Variants in PRPF8 observed in about 807,000 individuals in gnomAD.
PRPF8 encodes pre-mRNA processing factor 8.
Under a neutral mutation model 285.9 loss-of-function variants are expected in PRPF8, and 64 were observed. That is an observed-to-expected ratio of 0.22 (90% CI 0.18 to 0.28). The LOEUF (loss-of-function observed/expected upper bound fraction) is 0.28, where lower values mean the gene tolerates loss of function less well. Among genes scored for constraint, PRPF8 ranks in the 10% least tolerant of loss-of-function variants. The pLI is 1.00. For synonymous variants in PRPF8, 1,325 were observed against 1,118.2 expected (o/e 1.18, Z -3.69); for missense variants, 1,426 against 3,026.7 (o/e 0.47, Z 12.41).
At chr17:1,677,244 C>G in intron 14 of PRPF8, 72 bp from the exon 15 acceptor site, 1 of 1,395,636 alleles carries the variant, frequency 7.2e-7, no homozygotes, top group Non-Finnish European at 1.0e-6. Context: ...TACCTTCATG[C>G]TCCTCACTCA....
In PRPF8 at chr17:1,684,530, C is replaced by T; in HGVS notation, c.42G>A (p.Val14=). 6.2e-7 allele frequency: 1 copy of T among 1,612,596 alleles called. No homozygotes were observed. Among genetic ancestry groups the T allele is most frequent in the Non-Finnish European group, 8.5e-7 (1 of 1,179,854 alleles). The change falls in exon 2 of 43, where the codon GTG becomes GTA. Residue 14 remains valine (V), a synonymous_variant. Transcript: ENST00000304992. ...CCGGTAGCGGGGCTAGAGGGCCAGGCACCGGGTTACCCGGCCCTCGATAAG... is the reference window on the plus strand; with the variant it reads ...CCGGTAGCGGGGCTAGAGGGCCAGGTACCGGGTTACCCGGCCCTCGATAAG... ...VFPYRGPGNP[V]PGPLAPLPDY...
rs758889910 is a variant in PRPF8, at chr17:1,650,730, G to T, written c.*72C>A. ...ACAGAGGGAAAGAGGCCAAACTGCT[G>T]AATGTCAGCGGCCTGTCTGGAGGGG... is the stretch of plus-strand genomic sequence containing the variant. On this transcript the variant is annotated 3_prime_UTR_variant, in exon 43 of 43. Transcript: ENST00000304992. The T allele has an allele frequency of 1.7e-5, 27 of 1,578,432 alleles. No homozygotes were observed. Among genetic ancestry groups the T allele is most frequent in the Non-Finnish European group, 2.3e-5 (27 of 1,149,544 alleles).
rs2151131100 is a variant in PRPF8, at chr17:1,680,846, A to G, written c.993-15T>C. 6.2e-7 allele frequency: 1 copy of G among 1,614,034 alleles called. No homozygotes were observed. Among genetic ancestry groups the G allele is most frequent in the Non-Finnish European group, 8.5e-7 (1 of 1,179,884 alleles). On this transcript the variant is annotated splice_polypyrimidine_tract_variant and intron_variant, in intron 7 of 42. Coordinates refer to ENST00000304992, the MANE Select transcript of PRPF8 (RefSeq NM_006445.4). The stretch of plus-strand genomic sequence containing the variant: ...GAGTATGGTACCTAAAATGAAAGGA[A>G]GAGTCAGCCAAAGTTTTCCCGCCCT...
rs1200470329 is a variant in PRPF8 at position 1,653,178 on chromosome 17, G to T, written c.6369+364C>A. On this transcript the variant is annotated intron_variant, in intron 39 of 42. Coordinates refer to ENST00000304992, the MANE Select transcript of PRPF8 (RefSeq NM_006445.4). The surrounding 1 kb of genome is among the most constrained non-coding windows in gnomAD (Gnocchi z 4.9). ...TGGTCTCAAACCCCTGACCTCAGGT[G>T]ATCCACCCACCTAGGCCTCCCAAAG... is the stretch of plus-strand genomic sequence containing the variant. 16 of 397,230 alleles carry T rather than the reference G, an allele frequency of 4.0e-5. No individual in the cohort carries two copies. The highest frequency in any genetic ancestry group is 1.6e-3 in the Middle Eastern group (2 of 1,274). The allele number at this position is 397,230 out of a possible 1,614,324, so 24.6% of individuals were successfully genotyped here.
chr17:1,651,937 G>T lies in PRPF8; in HGVS notation c.6370-149C>A. 9.6e-7 allele frequency: 1 copy of T among 1,037,504 alleles called. No individual in the cohort carries two copies. The highest frequency in any genetic ancestry group is 1.5e-6 in the Non-Finnish European group (1 of 682,796). The allele number at this position is 1,037,504 out of a possible 1,614,324, so 64.3% of individuals were successfully genotyped here. A position where few individuals can be genotyped will look rare whatever the true frequency, so the allele number is the denominator to read the frequency against. ...ACCCCCTGTATCAGAATCAGCTGGG[G>T]TGCTTGTTCAAAATGTTAGACATGG... On this transcript the variant is annotated intron_variant, in intron 39 of 42. Transcript: ENST00000304992. The surrounding 1 kb of genome is among the most constrained non-coding windows in gnomAD (Gnocchi z 5.1).
Position 1,676,290 on chromosome 17 carries a change from T to A in PRPF8, c.2469A>T (p.Ser823=). The A allele has an allele frequency of 1.9e-6, 3 of 1,614,072 alleles. No homozygotes were observed. The highest frequency in any genetic ancestry group is 2.5e-6 in the Non-Finnish European group (3 of 1,180,002). The change falls in exon 17 of 43, where the codon TCA becomes TCT. Residue 823 remains serine (S), a synonymous_variant. Transcript: ENST00000304992. The surrounding 1 kb of genome is among the most constrained non-coding windows in gnomAD (Gnocchi z 6.3). The part of the protein sequence containing the change: ...TVHWLESRRF[S]PIPFPPLSYK... ...AGGAGAGTGGGGGGAATGGGATGGG[T>A]GAAAACCTGCGGCTTTCCAACCAAT...
Position 1,654,023 on chromosome 17 carries a change from G to A in PRPF8, c.5988-7C>T. On this transcript the variant is annotated splice_region_variant and splice_polypyrimidine_tract_variant and intron_variant, in intron 37 of 42. Transcript: ENST00000304992. ...CAGTGATGCCACGTTCACACTGTGG[G>A]GATGGTGTGGGTTATATTACAAGGA... 1 of 1,614,164 alleles carries A rather than the reference G, an allele frequency of 6.2e-7. No homozygotes were observed. Among genetic ancestry groups the A allele is most frequent in the South Asian group, 1.1e-5 (1 of 91,084 alleles).
At chr17:1,684,157 G>A (rs571702302) in intron 2 of PRPF8, among the ~76,000 whole-genome samples, 13 of 152,216 alleles carry the variant, frequency 8.5e-5, no homozygotes, top group African/African-American at 2.9e-4. Flanking sequence ...AAAGTGCTGG[G>A]ATTACAACCG....
rs570158744 is a variant in PRPF8, at chr17:1,683,156, C to A, written c.269+377G>T. 425 of 323,678 alleles carry A rather than the reference C, an allele frequency of 1.3e-3. 2 individuals carry two copies. Among genetic ancestry groups the A allele is most frequent in the African/African-American group, 8.4e-3 (390 of 46,466 alleles). The allele number at this position is 323,678 out of a possible 1,614,324, so 20.1% of individuals were successfully genotyped here. A position where few individuals can be genotyped will look rare whatever the true frequency, so the allele number is the denominator to read the frequency against. On this transcript the variant is annotated intron_variant, in intron 3 of 42. Coordinates refer to ENST00000304992, the MANE Select transcript of PRPF8 (RefSeq NM_006445.4). ...GACTACAGACACCTGCCACCACGCC[C>A]AGCTAATTTTGTGTATTTTTAGTAG...
chr17:1,684,747 C>G (rs1913151168), intron 1 of PRPF8, 33 bp downstream of exon 1: 1 of 666,144 alleles, frequency 1.5e-6, no homozygotes, highest in Admixed American at 2.5e-5. Context: ...GACCACGCCT[C>G]CCGCAGCCCG....
At position 1,680,894 on chromosome 17, in the gene PRPF8, T is replaced by C. The variant is rs916686588; in HGVS notation, c.992+35A>G. Reference sequence around the variant, plus strand: ...CCTGGCCCAACCTAAACAGCAGCCTTCTCCTTTCCAAATGTTGTGTTCCAG... The same window carrying C: ...CCTGGCCCAACCTAAACAGCAGCCTCCTCCTTTCCAAATGTTGTGTTCCAG... On this transcript the variant is annotated intron_variant, in intron 7 of 42. Transcript: ENST00000304992. The C allele has an allele frequency of 2.5e-6, 4 of 1,614,020 alleles. No individual in the cohort carries two copies. The African/African-American group carries it at 5.3e-5, about 22-fold the overall frequency.
chr17:1,657,071 G>A (rs899181152), intron 34 of PRPF8, among the ~76,000 whole-genome samples: 4 of 152,264 alleles, frequency 2.6e-5, no homozygotes, highest in Non-Finnish European at 4.4e-5. Flanking sequence ...AAAAAAACGT[G>A]TCTTAAGGAG....
chr17:1,682,230 C>T lies in PRPF8; in HGVS notation c.333G>A (p.Glu111=). 3.7e-6 allele frequency: 6 copies of T among 1,614,146 alleles called. No individual in the cohort carries two copies. The highest frequency in any genetic ancestry group is 5.1e-6 in the Non-Finnish European group (6 of 1,180,024). Reference sequence around the variant, plus strand: ...ACAGCACAGGCACATCCCGAATCTGCTCCCAAGGCATAGGCATGTTCTCCA... The same window carrying T: ...ACAGCACAGGCACATCCCGAATCTGTTCCCAAGGCATAGGCATGTTCTCCA... ...KLLENMPMPW[E]QIRDVPVLYH... is the part of the protein sequence containing the mutation. The change falls in exon 4 of 43, where the codon GAG becomes GAA. Residue 111 remains glutamate, a synonymous_variant. Coordinates refer to ENST00000304992, the MANE Select transcript of PRPF8 (RefSeq NM_006445.4).
chr17:1,663,583 C>T (rs1260321655), intron 24 of PRPF8, among the ~76,000 whole-genome samples: 2 of 151,684 alleles, frequency 1.3e-5, no homozygotes, highest in African/African-American at 4.8e-5. Context: ...GTGGCACGCG[C>T]CTGTAGTCTC....
rs1422588932 is a variant in PRPF8, at chr17:1,681,705, A to T, written c.654-15T>A. On this transcript the variant is annotated splice_polypyrimidine_tract_variant and intron_variant, in intron 5 of 42. Coordinates refer to ENST00000304992, the MANE Select transcript of PRPF8 (RefSeq NM_006445.4). ...CATTTACATACCTAGGTAAAAAATGAAAGGCCCACCTCAAGTAAGCAGCTA... is the reference window on the plus strand; with the variant it reads ...CATTTACATACCTAGGTAAAAAATGTAAGGCCCACCTCAAGTAAGCAGCTA... The T allele has an allele frequency of 6.2e-7, 1 of 1,613,480 alleles. No homozygotes were observed. Among genetic ancestry groups the T allele is most frequent in the South Asian group, 1.1e-5 (1 of 91,070 alleles).
In PRPF8 at chr17:1,658,739, G is replaced by T. The variant is rs767301221; in HGVS notation, c.5163C>A (p.Gly1721=). 2 of 1,614,242 alleles carry T rather than the reference G, an allele frequency of 1.2e-6. No homozygotes were observed. The highest frequency in any genetic ancestry group is 1.7e-6 in the Non-Finnish European group (2 of 1,180,046). The change falls in exon 33 of 43, where the codon GGC becomes GGA. Residue 1721 remains glycine (G), a synonymous_variant. Coordinates refer to ENST00000304992, the MANE Select transcript of PRPF8 (RefSeq NM_006445.4). The surrounding 1 kb of genome is among the most constrained non-coding windows in gnomAD (Gnocchi z 4.1). The part of the protein sequence containing the change: ...LHSAYGNWFP[G]SKPLIQQAMA... ...TGGCCTGTTGTATGAGAGGCTTGCT[G>T]CCTGGGAACCAGTTTCCATAGGCAC...
At position 1,675,236 on chromosome 17, in the gene PRPF8, C is replaced by T. The variant is rs1912548618; in HGVS notation, c.2976G>A (p.Leu992=). The change falls in exon 20 of 43, where the codon CTG becomes CTA. Residue 992 remains leucine, a synonymous_variant. Coordinates refer to ENST00000304992, the MANE Select transcript of PRPF8 (RefSeq NM_006445.4). This position sits in a 1 kb window ranked among gnomAD's most constrained non-coding sequence, Gnocchi z 6.0. The part of the protein sequence containing the change: ...EKMYEKIDLT[L]LNRLLRLIVD... ...CGATGAGGCGCAGCAGCCTGTTGAGCAGAGTCAAGTCGATCTTCTCATACA... is the reference window on the plus strand; with the variant it reads ...CGATGAGGCGCAGCAGCCTGTTGAGTAGAGTCAAGTCGATCTTCTCATACA... 2 of 1,614,186 alleles carry T rather than the reference C, an allele frequency of 1.2e-6. No individual in the cohort carries two copies. The highest frequency in any genetic ancestry group is 8.5e-7 in the Non-Finnish European group (1 of 1,180,044).
intron 13 of PRPF8, 45 bp from the exon 14 acceptor site, chr17:1,677,739 T>A: frequency 6.2e-7 from 1 of 1,613,134 alleles, no homozygotes; most frequent in African/African-American, 1.3e-5. Flanking sequence ...AGCAATGCAT[T>A]TAAACAACAA....
chr17:1,657,370 G>A (rs1490029151), intron 34 of PRPF8, among the ~76,000 whole-genome samples: 3 of 152,196 alleles, frequency 2.0e-5, no homozygotes, highest in Non-Finnish European at 2.9e-5. Context: ...GCTGGGCCGG[G>A]CACGGTGGCT....
Sources: gnomAD v4.1 joint callset for allele counts (sites outside exome capture counted in the v4.1 genomes callset) on GRCh38, gnomAD v4.1.1 for gene constraint, Gnocchi (gnomAD v3.1) non-coding constraint, MANE v1.5 for transcripts, NCBI Gene and HGNC (gene_info 2026-07-23, HGNC 2026-07-21) for gene names.